TENM2: variants seen among roughly 807,000 people sequenced by gnomAD.
TENM2 encodes the protein teneurin-2.
In TENM2, 52 loss-of-function variants were observed where a neutral mutation model predicts 245.2. That is an observed-to-expected ratio of 0.21 (90% confidence interval 0.17 to 0.27). The LOEUF (loss-of-function observed/expected upper bound fraction) is 0.27, where lower values mean the gene tolerates loss of function less well. TENM2 is among the 10% of genes least tolerant of loss of function. TENM2 has a pLI of 1.00. For missense variants in TENM2, 3,046 were observed against 3,666.8 expected, an observed-to-expected ratio of 0.83 and a Z score of 4.37; for synonymous variants, 1,363 against 1,438.9, an observed-to-expected ratio of 0.95 and a Z score of 1.19.
chr5:167,883,391 C>T (rs1028679722), intron 3 of TENM2, among the ~76,000 whole-genome samples: 4 of 152,194 alleles, frequency 2.6e-5, no homozygotes, highest in African/African-American at 7.2e-5. Context: ...TGTGTGCACA[C>T]GCACACACAC....
intron 10 of TENM2, 114 bp from the exon 13 acceptor site, chr5:168,124,736 G>T: frequency 1.1e-6 from 1 of 945,500 alleles, no homozygotes; most frequent in Non-Finnish European, 1.6e-6. Context: ...GCTAGCAAGT[G>T]GATGGGAACT....
chr5:167,298,560 T>C (rs936428439), intron 1 of TENM2, among the ~76,000 whole-genome samples: 29 of 152,016 alleles, frequency 1.9e-4, no homozygotes, highest in African/African-American at 4.8e-4. Context: ...GCCGAGATCG[T>C]GCCACTGCAC....
intron 2 of TENM2, among the ~76,000 whole-genome samples, chr5:167,862,121 C>T (rs1771870217): frequency 6.6e-6 from 1 of 152,156 alleles, no homozygotes; most frequent in South Asian, 2.1e-4. Flanking sequence ...GCAGGATGCA[C>T]TGCAGGTCTT....
intron 2 of TENM2, among the ~76,000 whole-genome samples, chr5:167,477,313 T>C (rs1169839623): frequency 1.3e-5 from 2 of 150,652 alleles, no homozygotes; most frequent in Admixed American, 6.6e-5. Flanking sequence ...TTTTCTGCTA[T>C]GCCTTTGACT....
chr5:167,718,616 T>C (rs1322682755), intron 2 of TENM2, among the ~76,000 whole-genome samples: 1 of 152,222 alleles, frequency 6.6e-6, no homozygotes, highest in East Asian at 1.9e-4. Context: ...AGTCTTGATA[T>C]CTGAATTATT....
chr5:167,518,562 G>T (rs1416874156), intron 2 of TENM2, among the ~76,000 whole-genome samples: 2 of 152,104 alleles, frequency 1.3e-5, no homozygotes, highest in Non-Finnish European at 2.9e-5. Context: ...ATGTTTTAAC[G>T]ACAGTGACTG....
chr5:167,800,490 C>T (rs146753858), intron 2 of TENM2, among the ~76,000 whole-genome samples: 8 of 152,312 alleles, frequency 5.3e-5, no homozygotes, highest in Admixed American at 1.3e-4. Context: ...TCAGCATAGA[C>T]GTTTCCTAAC....
intron 1 of TENM2, among the ~76,000 whole-genome samples, chr5:167,359,625 G>T (rs1442682264): frequency 6.6e-6 from 1 of 152,010 alleles, no homozygotes; most frequent in Non-Finnish European, 1.5e-5. Flanking sequence ...GGGCATCGCT[G>T]TCACGAAACC....
chr5:167,781,519 C>G (rs1275613811), intron 2 of TENM2, among the ~76,000 whole-genome samples: 1 of 152,246 alleles, frequency 6.6e-6, no homozygotes, highest in Admixed American at 6.5e-5. Flanking sequence ...TCCTTTCTTA[C>G]TTACTGCCTC....
At chr5:167,107,088 A>G in the TENM2 span, among the ~76,000 whole-genome samples, 1 of 141,092 alleles carries the variant, frequency 7.1e-6, no homozygotes, top group African/African-American at 2.9e-5. Flanking sequence ...CTACTAAAAA[A>G]TACAAAAAAA....
chr5:167,933,684 C>T (rs1211497247), intron 3 of TENM2, among the ~76,000 whole-genome samples: 1 of 151,456 alleles, frequency 6.6e-6, no homozygotes, highest in African/African-American at 2.4e-5. Context: ...AAAAAAGGCA[C>T]ATTCATGACC....
At chr5:167,035,938 T>C in the TENM2 span, among the ~76,000 whole-genome samples, 19 of 152,148 alleles carry the variant, frequency 1.2e-4, no homozygotes, top group Non-Finnish European at 2.4e-4. Context: ...AGATGGGCTT[T>C]CACCATGTTG....
intron 2 of TENM2, among the ~76,000 whole-genome samples, chr5:167,700,208 A>G (rs896093674): frequency 6.6e-6 from 1 of 152,228 alleles, no homozygotes; most frequent in African/African-American, 2.4e-5. Context: ...GATCAGATGG[A>G]ACATGAAATA....
intron 1 of TENM2, among the ~76,000 whole-genome samples, chr5:167,329,561 A>G: frequency 6.7e-6 from 1 of 148,468 alleles, no homozygotes. Context: ...CAAAAAAAAA[A>G]AAAAAAAAAA....
chr5:167,755,268 A>T, intron 2 of TENM2: 1 of 1,123,324 alleles, frequency 8.9e-7, no homozygotes, highest in South Asian at 1.4e-5. Context: ...TGGAGTATTT[A>T]CTTTAACCCT....
intron 25 of TENM2, among the ~76,000 whole-genome samples, chr5:168,239,433 C>T (rs989896738): frequency 6.6e-6 from 1 of 152,204 alleles, no homozygotes; most frequent in Non-Finnish European, 1.5e-5. Flanking sequence ...TGGCTAATGG[C>T]TAGCACCTAT....
chr5:167,001,626 T>G, the TENM2 span, among the ~76,000 whole-genome samples: 1 of 152,148 alleles, frequency 6.6e-6, no homozygotes, highest in Non-Finnish European at 1.5e-5. Context: ...TTAGATTTAA[T>G]CAAGTTTTAG....
At chr5:168,050,262 A>G (rs1290120248) in intron 6 of TENM2, among the ~76,000 whole-genome samples, 2 of 152,202 alleles carry the variant, frequency 1.3e-5, no homozygotes, top group Non-Finnish European at 2.9e-5. Context: ...GGTTTGGCTT[A>G]TAAAATGACT....
At chr5:167,861,532 A>G (rs1771805478) in intron 2 of TENM2, among the ~76,000 whole-genome samples, 1 of 152,186 alleles carries the variant, frequency 6.6e-6, no homozygotes, top group Non-Finnish European at 1.5e-5. Flanking sequence ...TGCCCGTCCT[A>G]ATGTCAGCCT....
Sources: gnomAD v4.1 joint callset for allele counts (sites outside exome capture counted in the v4.1 genomes callset) on GRCh38, gnomAD v4.1.1 for gene constraint, MANE v1.5 for transcripts, NCBI Gene and HGNC (gene_info 2026-07-23, HGNC 2026-07-21) for gene names.